Variants in DNAH7 observed in about 807,000 individuals in gnomAD.
DNAH7 encodes the protein dynein axonemal heavy chain 7, also known as axonemal beta dynein heavy chain 7.
In DNAH7, 397 loss-of-function variants were observed where a neutral mutation model predicts 444.6. That is an observed-to-expected ratio of 0.89 (90% CI 0.82 to 0.97). DNAH7 has a LOEUF of 0.97. DNAH7 is among the 50% of genes least tolerant of loss of function. DNAH7 has a pLI of 0.00. For synonymous variants in DNAH7, 1,636 were observed against 1,624.4 expected (o/e 1.01, Z -0.17); for missense variants, 4,902 against 4,800.8 (o/e 1.02, Z -0.62).
At chr2:196,057,917 T>A (rs1296023859) in intron 2 of DNAH7, 137 bp downstream of exon 2, 4 of 652,306 alleles carry the variant, frequency 6.1e-6, no homozygotes, top group Non-Finnish European at 9.6e-6. Flanking sequence ...AATTCCTCCA[T>A]CAGAAAAGAA....
At chr2:195,937,011 TA>T (rs1689100337) in intron 19 of DNAH7, among the ~76,000 whole-genome samples, 1 of 152,110 alleles carries the variant, frequency 6.6e-6, no homozygotes, top group Non-Finnish European at 1.5e-5. Flanking sequence ...GCCCTGTTCA[TA>T]ACGATTCTCA....
chr2:195,996,627 T>C (rs2125671648), intron 12 of DNAH7, among the ~76,000 whole-genome samples: 1 of 152,256 alleles, frequency 6.6e-6, no homozygotes, highest in East Asian at 1.9e-4. Flanking sequence ...GGTTTCACCA[T>C]GTTGGCCAGG....
rs1209224540 is a variant in DNAH7 at position 196,026,872 on chromosome 2, T to C, written c.555A>G (p.Leu185=). 6.2e-7 allele frequency: 1 copy of C among 1,612,394 alleles called. No individual in the cohort carries two copies. The highest frequency in any genetic ancestry group is 8.5e-7 in the Non-Finnish European group (1 of 1,178,810). Residue 185 remains leucine, a synonymous_variant, in exon 7 of 65, where the codon CTA becomes CTG. Transcript: ENST00000312428. ...GTGGAACTAAATCCAGTACGTGTTC[T>C]AGCCAAGAATCTTCCATTGGGGCTA... ...DHVAPMEDSW[L]EHVLDLVPQH...
chr2:195,804,795 A>G (rs967104093), intron 54 of DNAH7, among the ~76,000 whole-genome samples: 1 of 152,186 alleles, frequency 6.6e-6, no homozygotes, highest in Non-Finnish European at 1.5e-5. Flanking sequence ...TGTGCACAGG[A>G]GAGAAGAACC....
chr2:195,886,161 C>T lies in DNAH7; in HGVS notation c.5518G>A (p.Glu1840Lys). Reference sequence around the variant, plus strand: ...CTTACCTCAAGCAAAGAGTAAGTTTCTCGATCATTTCTCTCCTTTAGTTTG... The same window carrying T: ...CTTACCTCAAGCAAAGAGTAAGTTTTTCGATCATTTCTCTCCTTTAGTTTG... ...EVKLKERNDR[E>K]TYSLLEGIFL... Residue 1840 changes from glutamate to lysine, a missense_variant, in exon 34 of 65, where the codon GAA (glutamate) becomes AAA (lysine). Transcript: ENST00000312428. 6.2e-7 allele frequency: 1 copy of T among 1,613,356 alleles called. No homozygotes were observed. Among genetic ancestry groups the T allele is most frequent in the Non-Finnish European group, 8.5e-7 (1 of 1,179,720 alleles).
intron 45 of DNAH7, 35 bp from the exon 46 acceptor site, chr2:195,853,563 C>T (rs759411888): frequency 4.4e-6 from 7 of 1,581,096 alleles, no homozygotes; most frequent in African/African-American, 1.4e-5. Flanking sequence ...TCAACATTTA[C>T]AAGTATAAGA....
intron 20 of DNAH7, among the ~76,000 whole-genome samples, chr2:195,936,163 C>G (rs936625214): frequency 3.9e-4 from 60 of 151,928 alleles, no homozygotes; most frequent in Admixed American, 2.2e-3. Flanking sequence ...CACTTGAGAT[C>G]AGGAGTTCAA....
chr2:195,799,159 G>T, intron 55 of DNAH7, 137 bp downstream of exon 55: 1 of 677,318 alleles, frequency 1.5e-6, no homozygotes, highest in Non-Finnish European at 2.2e-6. Context: ...TCATTTTCTT[G>T]GGATTCTGTC....
chr2:195,884,938 G>T, intron 34 of DNAH7, 129 bp from the exon 35 acceptor site: 1 of 669,388 alleles, frequency 1.5e-6, no homozygotes, highest in Non-Finnish European at 2.4e-6. Flanking sequence ...TATATTAGTA[G>T]GTCATCTCAG....
chr2:195,889,038 A>G, intron 31 of DNAH7, 57 bp from the exon 32 acceptor site: 2 of 1,465,062 alleles, frequency 1.4e-6, no homozygotes, highest in Non-Finnish European at 1.9e-6. Flanking sequence ...ATATAAAGAA[A>G]CAGTTCAATA....
intron 57 of DNAH7, among the ~76,000 whole-genome samples, chr2:195,791,394 AG>A (rs1695874187): frequency 6.6e-6 from 1 of 151,210 alleles, no homozygotes; most frequent in Non-Finnish European, 1.5e-5. Context: ...AAAAAAAAAA[AG>A]TCAAAACACA....
intron 58 of DNAH7, among the ~76,000 whole-genome samples, chr2:195,781,781 G>GT (rs1695392284): frequency 6.6e-6 from 1 of 151,020 alleles, no homozygotes; most frequent in South Asian, 2.1e-4. Flanking sequence ...ACATATGTAG[G>GT]TAAAAAAAAG....
intron 1 of DNAH7, among the ~76,000 whole-genome samples, chr2:196,062,167 A>G (rs916650583): frequency 6.6e-6 from 1 of 152,140 alleles, no homozygotes; most frequent in African/African-American, 2.4e-5. Flanking sequence ...GTATGATATG[A>G]TGCCCTCCTA....
intron 3 of DNAH7, among the ~76,000 whole-genome samples, chr2:196,050,400 G>A (rs1697390858): frequency 6.6e-6 from 1 of 152,124 alleles, no homozygotes. Flanking sequence ...CAGATGAAAA[G>A]AGTTCTGGAG....
At chr2:195,887,916 C>T (rs1701798177) in intron 33 of DNAH7, among the ~76,000 whole-genome samples, 1 of 151,296 alleles carries the variant, frequency 6.6e-6, no homozygotes, top group Non-Finnish European at 1.5e-5. Context: ...CTACCATGGA[C>T]TGACTGGCTT....
At position 195,900,409 on chromosome 2, in the gene DNAH7, G is replaced by C; in HGVS notation, c.4421C>G (p.Ala1474Gly). The C allele has an allele frequency of 6.2e-7, 1 of 1,614,054 alleles. No homozygotes were observed. Among genetic ancestry groups the C allele is most frequent in the Non-Finnish European group, 8.5e-7 (1 of 1,179,920 alleles). Reference protein sequence around the residue: ...IVLYSCGFVTARPLSVKIVAT... With the variant: ...IVLYSCGFVTGRPLSVKIVAT... ...CACAATTTTTACAGACAGTGGTCGA[G>C]CAGTGACAAACCCACAGGAGTATAG... is the stretch of plus-strand genomic sequence containing the variant. Residue 1474 changes from alanine (A) to glycine (G), a missense_variant, in exon 28 of 65, where the codon GCT becomes GGT. Physicochemically the swap from Ala to Gly is moderately conservative, Grantham distance 60. Coordinates refer to ENST00000312428, the MANE Select transcript of DNAH7 (RefSeq NM_018897.3).
chr2:195,890,802 A>T (rs1364341487), intron 31 of DNAH7, among the ~76,000 whole-genome samples: 1 of 152,230 alleles, frequency 6.6e-6, no homozygotes, highest in African/African-American at 2.4e-5. Context: ...TTTATCCATT[A>T]TTACCTGACT....
At chr2:195,896,424 A>G (rs1702324339) in intron 29 of DNAH7, among the ~76,000 whole-genome samples, 1 of 151,896 alleles carries the variant, frequency 6.6e-6, no homozygotes, top group South Asian at 2.1e-4. Flanking sequence ...ATTGTACTTA[A>G]GTAATCTTTG....
In DNAH7 at chr2:195,897,679, TA is replaced by T; in HGVS notation, c.4634del (p.Leu1545TyrfsTer15). 6.3e-7 allele frequency: 1 copy of T among 1,588,102 alleles called. No individual in the cohort carries two copies. The highest frequency in any genetic ancestry group is 8.6e-7 in the Non-Finnish European group (1 of 1,162,342). Reference protein sequence around the residue: ...VNLPKFLSHDLPLFEGITSDL... With the variant: ...VNLPKFLSHDXPLFEGITSDL... ...TGAATGTTCTTACCTCAAAGAGTGG[TA>T]AATCATGGGATAAAAATTTTGGCAG... is the stretch of plus-strand genomic sequence containing the variant. On this transcript the variant is annotated frameshift_variant, in exon 29 of 65. Transcript: ENST00000312428. LOFTEE classifies it high-confidence loss of function.
Sources: gnomAD v4.1 joint callset for allele counts (sites outside exome capture counted in the v4.1 genomes callset) on GRCh38, gnomAD v4.1.1 for gene constraint, MANE v1.5 for transcripts, NCBI Gene and HGNC (gene_info 2026-07-23, HGNC 2026-07-21) for gene names.